ATP9A: variants seen among roughly 807,000 people sequenced by gnomAD.
ATP9A encodes the protein ATPase phospholipid transporting 9A.
A neutral mutation model predicts 144.1 loss-of-function variants in ATP9A; 52 were observed. The ratio of observed to expected loss-of-function variants is 0.36; its 90% CI spans 0.29 to 0.45. ATP9A has a LOEUF of 0.45. Ranked by LOEUF, ATP9A falls within the 20% of genes least tolerant of loss-of-function variation. ATP9A has a pLI of 1.00. For synonymous variants in ATP9A, 582 were observed against 557.4 expected (o/e 1.04, Z -0.62); for missense variants, 947 against 1,392.7 (o/e 0.68, Z 5.09).
At chr20:51,711,921 T>A (rs1045034885) in intron 4 of ATP9A, among the ~76,000 whole-genome samples, 8 of 150,164 alleles carry the variant, frequency 5.3e-5, no homozygotes, top group Non-Finnish European at 1.2e-4. Context: ...AATGGCGTGA[T>A]CTTGGCTCAC....
intron 11 of ATP9A, among the ~76,000 whole-genome samples, chr20:51,671,992 G>A (rs2077458180): frequency 6.6e-6 from 1 of 151,848 alleles, no homozygotes; most frequent in South Asian, 2.1e-4. Context: ...TAGAGATGGG[G>A]TTTCACCATG....
chr20:51,618,812 G>GGGTGGAGGGAGAGGTGGTGCGTT lies in ATP9A; in HGVS notation c.2206-29_2206-7dup, dbSNP rs745713163. The stretch of plus-strand genomic sequence containing the variant: ...TCATAGTACTTGAGGCAAACCTGCA[G>GGGTGGAGGGAGAGGTGGTGCGTT]GGTGGAGGGAGAGGTGGTGCGTTGG... On this transcript the variant is annotated splice_polypyrimidine_tract_variant and splice_region_variant and intron_variant, in intron 20 of 27. Transcript: ENST00000338821. The GGGTGGAGGGAGAGGTGGTGCGTT allele has an allele frequency of 1.5e-5, 24 of 1,584,992 alleles. No individual in the cohort carries two copies. The African/African-American group carries it at 1.6e-4, about 11-fold the overall frequency.
At chr20:51,668,500 G>C (rs1254207975) in intron 13 of ATP9A, among the ~76,000 whole-genome samples, 1 of 152,040 alleles carries the variant, frequency 6.6e-6, no homozygotes, top group African/African-American at 2.4e-5. Context: ...AGCAGGGTGA[G>C]GGGCCATCCG....
chr20:51,763,765 A>C (rs1157165585), intron 1 of ATP9A, among the ~76,000 whole-genome samples: 1 of 152,154 alleles, frequency 6.6e-6, no homozygotes, highest in Non-Finnish European at 1.5e-5. Context: ...AAATATATCA[A>C]GCATCAAAGC....
chr20:51,737,147 CCCTGGGCTAAGAG>C (rs1485329033), intron 1 of ATP9A, among the ~76,000 whole-genome samples: 2 of 152,166 alleles, frequency 1.3e-5, no homozygotes, highest in African/African-American at 4.8e-5. Context: ...CTGATCCAGA[CCCTGGGCTAAGAG>C]CTCTCTGCAT....
chr20:51,618,692 C>G lies in ATP9A; in HGVS notation c.2320G>C (p.Glu774Gln). The stretch of plus-strand genomic sequence containing the variant: ...GCACAGGTGAGCTTGCCCGTGCGCT[C>G]CTGAAGCAGGCGCACGATCTGGGCC... Reference protein sequence around the residue: ...QKAQIVRLLQERTGKLTCAVG... With the variant: ...QKAQIVRLLQQRTGKLTCAVG... Residue 774 changes from glutamate to glutamine, a missense_variant, in exon 21 of 28, where the codon GAG (glutamate) becomes CAG (glutamine). By Grantham distance (29) the Glu-to-Gln change is conservative (BLOSUM62 2). This residue lies in a region of ATP9A where 770 missense variants were observed against 1,047.9 expected (regional missense o/e 0.73). Transcript: ENST00000338821. The G allele has an allele frequency of 6.2e-7, 1 of 1,613,326 alleles. No individual in the cohort carries two copies. Among genetic ancestry groups the G allele is most frequent in the Non-Finnish European group, 8.5e-7 (1 of 1,179,912 alleles).
At position 51,598,564 on chromosome 20, in the gene ATP9A, G is replaced by A. The variant is rs2077128950; in HGVS notation, c.*2647C>T. ...GCTTAAGGTTTACAAACTCAGGAGA[G>A]TTTCTTGTATAGTAACTCTAGTTTC... On this transcript the variant is annotated 3_prime_UTR_variant, in exon 28 of 28. Coordinates refer to ENST00000338821, the MANE Select transcript of ATP9A (RefSeq NM_006045.3). 1 of 152,120 alleles carries A rather than the reference G, an allele frequency of 6.6e-6. No individual in the cohort carries two copies. The highest frequency in any genetic ancestry group is 2.1e-4 in the South Asian group (1 of 4,812). The allele number at this position is 152,120 out of a possible 1,614,324, so 9.4% of individuals were successfully genotyped here.
intron 27 of ATP9A, 97 bp from the exon 28 acceptor site, chr20:51,601,444 C>T (rs1322825441): frequency 7.8e-7 from 1 of 1,275,984 alleles, no homozygotes; most frequent in African/African-American, 1.5e-5. Context: ...AAGGGAAAGT[C>T]ATCTCCCGTC....
In ATP9A at chr20:51,599,976, C is replaced by G. The variant is rs947889310; in HGVS notation, c.*1235G>C. The G allele has an allele frequency of 2.0e-5, 3 of 152,188 alleles. No homozygotes were observed. Among genetic ancestry groups the G allele is most frequent in the African/African-American group, 4.8e-5 (2 of 41,434 alleles). 9.4% of individuals were successfully genotyped at this position (152,188 alleles called of 1,614,324 possible). ...AACTCCCTTCCTCTGAAACAAGCAG[C>G]CACAGCTTTATAAGAAACATGCCGG... On this transcript the variant is annotated 3_prime_UTR_variant, in exon 28 of 28. Transcript: ENST00000338821.
At chr20:51,695,456 C>T (rs1044500399) in intron 6 of ATP9A, among the ~76,000 whole-genome samples, 3 of 124,362 alleles carry the variant, frequency 2.4e-5, no homozygotes, top group African/African-American at 3.3e-5. Context: ...GAGCAAGACC[C>T]GGTCTCAAGG....
intron 3 of ATP9A, among the ~76,000 whole-genome samples, chr20:51,718,656 A>T (rs1187155752): frequency 1.3e-5 from 2 of 150,728 alleles, no homozygotes; most frequent in African/African-American, 2.4e-5. Context: ...CATCTCTAAA[A>T]CTACAAAAGT....
chr20:51,638,121 A>ATCTATCTATCTATCTATC (rs1173540252), intron 15 of ATP9A, among the ~76,000 whole-genome samples: 5 of 103,004 alleles, frequency 4.9e-5, no homozygotes, highest in African/African-American at 2.1e-4. Context: ...ATATATATAT[A>ATCTATCTATCTATCTATC]TATCTCATAG....
chr20:51,605,898 G>C (rs550272790), intron 26 of ATP9A, among the ~76,000 whole-genome samples: 24 of 149,628 alleles, frequency 1.6e-4, no homozygotes, highest in African/African-American at 5.7e-4. Flanking sequence ...GGGTGATACA[G>C]CAAGACTCTG....
At chr20:51,767,017 C>A (rs2077907126) in intron 1 of ATP9A, among the ~76,000 whole-genome samples, 2 of 151,600 alleles carry the variant, frequency 1.3e-5, no homozygotes, top group South Asian at 4.2e-4. Flanking sequence ...GCCTCTTCTT[C>A]GGAGGATTCA....
chr20:51,695,042 T>C (rs917842587), intron 6 of ATP9A, among the ~76,000 whole-genome samples: 1 of 152,218 alleles, frequency 6.6e-6, no homozygotes, highest in African/African-American at 2.4e-5. Context: ...ATTTTACTTG[T>C]ACTTTAATTC....
intron 4 of ATP9A, among the ~76,000 whole-genome samples, chr20:51,702,841 T>C (rs2077599908): frequency 6.6e-6 from 1 of 152,070 alleles, no homozygotes. Context: ...CCTAAGAAAG[T>C]AACAGCAGAA....
intron 5 of ATP9A, 57 bp downstream of exon 5, chr20:51,697,367 T>C (rs1003010850): frequency 1.3e-6 from 2 of 1,511,860 alleles, no homozygotes; most frequent in Admixed American, 1.9e-5. Flanking sequence ...GATACACAAA[T>C]GACACATTAG....
intron 14 of ATP9A, among the ~76,000 whole-genome samples, chr20:51,649,759 T>G (rs918748352): frequency 6.6e-6 from 1 of 151,454 alleles, no homozygotes; most frequent in East Asian, 1.9e-4. Flanking sequence ...TACTAAAAAT[T>G]CAAAATTAGC....
chr20:51,681,508 G>T (rs986965085), intron 9 of ATP9A, among the ~76,000 whole-genome samples: 1 of 141,486 alleles, frequency 7.1e-6, no homozygotes, highest in Non-Finnish European at 1.5e-5. Context: ...TACAACCTCC[G>T]CCTCCCAGGT....
Sources: gnomAD v4.1 joint callset for allele counts (sites outside exome capture counted in the v4.1 genomes callset) on GRCh38, gnomAD v4.1.1 for gene constraint, gnomAD v4.1.1 regional missense constraint, MANE v1.5 for transcripts, NCBI Gene and HGNC (gene_info 2026-07-23, HGNC 2026-07-21) for gene names.